The following NFATC1 variants were observed in gnomAD, a reference collection of about 807,000 sequenced individuals.
NFATC1 encodes the protein nuclear factor of activated T cells 1.
A neutral mutation model predicts 76.0 loss-of-function variants in NFATC1; 22 were observed. The ratio of observed to expected loss-of-function variants is 0.29; its 90% CI spans 0.21 to 0.41. NFATC1 has a LOEUF of 0.41. NFATC1 is among the 10% of genes least tolerant of loss of function. The pLI is 1.00. For missense variants in NFATC1, 1,357 were observed against 1,337.7 expected (o/e 1.01, Z -0.23); for synonymous variants, 704 against 613.1 (o/e 1.15, Z -2.19).
intron 9 of NFATC1, chr18:79,497,816 C>T (rs2089927699): frequency 1.3e-5 from 2 of 150,460 alleles, no homozygotes; most frequent in Non-Finnish European, 2.9e-5. Flanking sequence ...CTTCGTGGCT[C>T]AAGGATTTAA....
intron 7 of NFATC1, among the ~76,000 whole-genome samples, chr18:79,466,899 C>T (rs898155537): frequency 2.0e-5 from 3 of 152,182 alleles, no homozygotes; most frequent in Non-Finnish European, 4.4e-5. Context: ...CAGTGGCTGG[C>T]GGCGGAGCCT....
In NFATC1 at chr18:79,410,862, C is replaced by A; in HGVS notation, c.587C>A (p.Pro196Gln). 1 of 1,609,780 alleles carries A rather than the reference C, an allele frequency of 6.2e-7. No individual in the cohort carries two copies. The highest frequency in any genetic ancestry group is 8.5e-7 in the Non-Finnish European group (1 of 1,178,650). Residue 196 changes from proline to glutamine, a missense_variant, in exon 2 of 10, where the codon CCG (proline) becomes CAG (glutamine). Pro to Gln is a moderately conservative substitution (Grantham distance 76). Coordinates refer to ENST00000427363, the MANE Select transcript of NFATC1 (RefSeq NM_001278669.2). This position sits in a 1 kb window ranked among gnomAD's most constrained non-coding sequence, Gnocchi z 6.7. ...TCCTACGAGTCCAACTACTCGTACC[C>A]GTACGCGTCCCCCCAGACGTCGCCA... is the stretch of plus-strand genomic sequence containing the variant. ...ASSYESNYSY[P>Q]YASPQTSPWQ...
At chr18:79,513,129 C>T (rs1330983811) in intron 9 of NFATC1, among the ~76,000 whole-genome samples, 1 of 152,256 alleles carries the variant, frequency 6.6e-6, no homozygotes, top group African/African-American at 2.4e-5. Context: ...ATTTTAATTC[C>T]TCTCTCGATA....
intron 9 of NFATC1, among the ~76,000 whole-genome samples, chr18:79,487,400 C>T (rs963459774): frequency 6.6e-6 from 1 of 152,228 alleles, no homozygotes; most frequent in Non-Finnish European, 1.5e-5. Context: ...TTACCCCGTG[C>T]GGCTCTGTAA....
In NFATC1 at chr18:79,488,847, C is replaced by T. The variant is rs73009671; in HGVS notation, c.2782+1910C>T. 8.4e-3 allele frequency among the ~76,000 whole-genome samples: 1,284 copies of T among 152,250 alleles called. 13 individuals are homozygous for T. Among genetic ancestry groups the T allele is most frequent in the South Asian group, 0.03 (145 of 4,826 alleles). On this transcript the variant is annotated intron_variant, in intron 9 of 9. Coordinates refer to ENST00000427363, the MANE Select transcript of NFATC1 (RefSeq NM_001278669.2). ...GTGACCCACCAGCTCTGGGCTCCCA[C>T]AATTGGGTAGTGCCCTGCAGGCCCA...
intron 9 of NFATC1, among the ~76,000 whole-genome samples, chr18:79,491,172 C>T (rs1159983710): frequency 1.3e-5 from 2 of 152,088 alleles, no homozygotes; most frequent in Non-Finnish European, 2.9e-5. Context: ...AATTTCACAA[C>T]CCCTAAGAGA....
rs1210891172 is a variant in NFATC1 at position 79,486,393 on chromosome 18, C to T, written c.2238C>T (p.Ala746=). Residue 746 remains alanine, a synonymous_variant, in exon 9 of 10, where the codon GCC becomes GCT. Coordinates refer to ENST00000427363, the MANE Select transcript of NFATC1 (RefSeq NM_001278669.2). ...MPPDPSSCLV[A]GFPPCPQRST... ...CCGACCCCAGCTCCTGCCTCGTGGC[C>T]GGCTTCCCGCCCTGTCCGCAGAGAA... is the stretch of plus-strand genomic sequence containing the variant. The T allele has an allele frequency of 6.2e-6, 10 of 1,612,790 alleles. No homozygotes were observed. The highest frequency in any genetic ancestry group is 3.3e-5 in the South Asian group (3 of 91,088).
chr18:79,469,313 A>C lies in NFATC1; in HGVS notation c.2092+1731A>C, dbSNP rs533347235. The stretch of plus-strand genomic sequence containing the variant: ...AGAGCAGTGCATTAATTTTTTTCTT[A>C]TTTGCTCAGCATGCGGCAGTCCCCA... On this transcript the variant is annotated intron_variant, in intron 8 of 9. Transcript: ENST00000427363. The C allele has an allele frequency of 2.2e-5, 22 of 985,374 alleles. No homozygotes were observed. In the African/African-American group the frequency reaches 3.7e-4, roughly 16 times the overall value. 61.0% of individuals were successfully genotyped at this position (985,374 alleles called of 1,614,324 possible).
intron 9 of NFATC1, among the ~76,000 whole-genome samples, chr18:79,504,475 G>A (rs540149129): frequency 6.6e-6 from 1 of 152,306 alleles, no homozygotes; most frequent in South Asian, 2.1e-4. Flanking sequence ...CTTCATCTTA[G>A]ATGGGCACAG....
Position 79,486,533 on chromosome 18 carries a change from C to G in NFATC1, c.2378C>G (p.Pro793Arg). Residue 793 changes from proline to arginine, a missense_variant, in exon 9 of 10, where the codon CCG becomes CGG. Coordinates refer to ENST00000427363, the MANE Select transcript of NFATC1 (RefSeq NM_001278669.2). Reference sequence around the variant, plus strand: ...CACTGTCACCTCGGACTCCCGCAGCCGGCCGGAGAGGCCCCCGCCGTCCAG... The same window carrying G: ...CACTGTCACCTCGGACTCCCGCAGCGGGCCGGAGAGGCCCCCGCCGTCCAG... ...PGHCHLGLPQPAGEAPAVQDV... is the reference protein window; with the variant it reads ...PGHCHLGLPQRAGEAPAVQDV... 1 of 1,598,492 alleles carries G rather than the reference C, an allele frequency of 6.3e-7. No individual in the cohort carries two copies. Among genetic ancestry groups the G allele is most frequent in the Non-Finnish European group, 8.5e-7 (1 of 1,177,674 alleles).
At chr18:79,491,576 C>T (rs1373031143) in intron 9 of NFATC1, among the ~76,000 whole-genome samples, 1 of 152,196 alleles carries the variant, frequency 6.6e-6, no homozygotes, top group East Asian at 1.9e-4. Context: ...AGCCCCGAGC[C>T]CCGTGAGGTG....
chr18:79,507,025 C>A (rs181097007), intron 9 of NFATC1, among the ~76,000 whole-genome samples: 60 of 152,308 alleles, frequency 3.9e-4, no homozygotes, highest in African/African-American at 1.4e-3. Context: ...AGCGGCCGGG[C>A]CAGCCCTCCC....
At chr18:79,516,093 A>G (rs942901482) in intron 9 of NFATC1, 4 of 152,116 alleles carry the variant, frequency 2.6e-5, no homozygotes, top group Non-Finnish European at 5.9e-5. Flanking sequence ...CGGCGTTTGC[A>G]TTCTGTGCAA....
At chr18:79,416,579 G>T (rs943605715) in intron 2 of NFATC1, among the ~76,000 whole-genome samples, 2 of 152,236 alleles carry the variant, frequency 1.3e-5, no homozygotes, top group Admixed American at 1.3e-4. Context: ...TAGCCGTGGG[G>T]TCTTCCCCGA....
At chr18:79,485,675 G>A (rs755506413) in intron 8 of NFATC1, among the ~76,000 whole-genome samples, 10 of 152,348 alleles carry the variant, frequency 6.6e-5, no homozygotes, top group African/African-American at 2.4e-4. Flanking sequence ...AAGGCTGCCC[G>A]GTCACAGCCT....
intron 2 of NFATC1, chr18:79,422,812 T>C (rs1361930942): frequency 1.3e-5 from 2 of 152,240 alleles, no homozygotes; most frequent in East Asian, 3.9e-4. Context: ...CTGTAGTTTT[T>C]CTGGGAGGGA....
intron 8 of NFATC1, among the ~76,000 whole-genome samples, chr18:79,474,963 ACT>A (rs2088987656): frequency 9.0e-6 from 1 of 111,372 alleles, no homozygotes; most frequent in South Asian, 3.0e-4. Flanking sequence ...TCTCACGCTC[ACT>A]GTCGACGTAA....
intron 1 of NFATC1, among the ~76,000 whole-genome samples, chr18:79,402,955 G>A (rs1490428522): frequency 6.6e-6 from 1 of 152,268 alleles, no homozygotes. Context: ...TGCAAAGCAA[G>A]GCAAACTGGG....
chr18:79,505,492 G>A (rs2090099842), intron 9 of NFATC1, among the ~76,000 whole-genome samples: 1 of 25,102 alleles, frequency 4.0e-5, no homozygotes, highest in East Asian at 6.9e-4. Flanking sequence ...CTTGGGTGAT[G>A]GAAGAGGCAG....
Sources: allele counts gnomAD v4.1 joint callset (sites outside exome capture counted in the v4.1 genomes callset), GRCh38; gene constraint gnomAD v4.1.1; non-coding constraint Gnocchi (gnomAD v3.1); transcripts MANE v1.5; gene names NCBI Gene and HGNC (gene_info 2026-07-23, HGNC 2026-07-21).